Variants in ITGA9 observed in about 807,000 individuals in gnomAD.
ITGA9 encodes integrin subunit alpha 9.
In ITGA9, 56 loss-of-function variants were observed where a neutral mutation model predicts 127.8. The ratio of observed to expected loss-of-function variants is 0.44; its 90% CI spans 0.35 to 0.55. The LOEUF is 0.55. ITGA9 is among the 20% of genes least tolerant of loss of function. The pLI, the probability that ITGA9 is intolerant of heterozygous loss-of-function variation, is 0.00. For missense variants in ITGA9, 1,196 were observed against 1,347.1 expected, an observed-to-expected ratio of 0.89 and a Z score of 1.76; for synonymous variants, 508 against 514.5, an observed-to-expected ratio of 0.99 and a Z score of 0.17.
intron 18 of ITGA9, among the ~76,000 whole-genome samples, chr3:37,712,437 A>T (rs1185388829): frequency 5.3e-5 from 8 of 152,162 alleles, no homozygotes; most frequent in Non-Finnish European, 8.8e-5. Flanking sequence ...GCCTTGATTA[A>T]ATTTGCTTCT....
At chr3:37,515,004 A>G (rs1260212355) in intron 9 of ITGA9, among the ~76,000 whole-genome samples, 1 of 152,222 alleles carries the variant, frequency 6.6e-6, no homozygotes, top group Non-Finnish European at 1.5e-5. Context: ...TCGTGGAAGC[A>G]GGAGACCAGT....
chr3:37,578,497 C>A (rs1273165119), intron 15 of ITGA9, among the ~76,000 whole-genome samples: 1 of 152,138 alleles, frequency 6.6e-6, no homozygotes, highest in Non-Finnish European at 1.5e-5. Context: ...CTTGCCATTC[C>A]CTTAGGGAGT....
intron 13 of ITGA9, among the ~76,000 whole-genome samples, chr3:37,530,549 C>G (rs995885538): frequency 2.0e-5 from 3 of 151,932 alleles, no homozygotes; most frequent in Non-Finnish European, 4.4e-5. Flanking sequence ...AACAATGGCA[C>G]CAGTGGCACC....
At chr3:37,476,127 T>C (rs1305836142) in intron 3 of ITGA9, among the ~76,000 whole-genome samples, 2 of 152,266 alleles carry the variant, frequency 1.3e-5, no homozygotes, top group African/African-American at 2.4e-5. Flanking sequence ...ATCTCCTGGC[T>C]GCCGTGATGA....
intron 5 of ITGA9, among the ~76,000 whole-genome samples, chr3:37,497,365 T>C (rs1359056728): frequency 6.6e-6 from 1 of 151,776 alleles, no homozygotes; most frequent in African/African-American, 2.4e-5. Context: ...TAAACTTATC[T>C]CTTAAGAAGG....
At chr3:37,552,885 G>A (rs559584407) in intron 15 of ITGA9, among the ~76,000 whole-genome samples, 1 of 152,002 alleles carries the variant, frequency 6.6e-6, no homozygotes, top group East Asian at 1.9e-4. Context: ...CATGGTGGTG[G>A]GTGCCTGTAA....
intron 4 of ITGA9, among the ~76,000 whole-genome samples, chr3:37,486,092 A>G (rs1041495404): frequency 1.3e-5 from 2 of 152,238 alleles, no homozygotes; most frequent in African/African-American, 2.4e-5. Context: ...TCAAGTACAG[A>G]GATTTCTTTC....
chr3:37,736,833 C>A, intron 19 of ITGA9, 71 bp from the exon 20 acceptor site: 1 of 988,272 alleles, frequency 1.0e-6, no homozygotes, highest in Non-Finnish European at 1.6e-6. Flanking sequence ...TCATAAACTG[C>A]AGAAGATGGA....
intron 15 of ITGA9, among the ~76,000 whole-genome samples, chr3:37,566,545 CAAGAT>C (rs1699549234): frequency 6.6e-6 from 1 of 152,212 alleles, no homozygotes; most frequent in Non-Finnish European, 1.5e-5. Context: ...GTGCTCAACT[CAAGAT>C]TAGGAATCTA....
At chr3:37,717,914 A>G (rs1450120934) in intron 18 of ITGA9, among the ~76,000 whole-genome samples, 1 of 152,228 alleles carries the variant, frequency 6.6e-6, no homozygotes, top group Non-Finnish European at 1.5e-5. Context: ...AATGAGCTGT[A>G]AAATACGACC....
Position 37,814,694 on chromosome 3 carries a change from A to T in ITGA9, c.3010-4197A>T, listed in dbSNP as rs1296841710. Among the ~76,000 whole-genome samples, 1 of 152,206 alleles carries T rather than the reference A, an allele frequency of 6.6e-6. No individual in the cohort carries two copies. The highest frequency in any genetic ancestry group is 1.5e-5 in the Non-Finnish European group (1 of 68,034). On this transcript the variant is annotated intron_variant, in intron 27 of 27. Coordinates refer to ENST00000264741, the MANE Select transcript of ITGA9 (RefSeq NM_002207.3). The surrounding 1 kb of genome is among the most constrained non-coding windows in gnomAD (Gnocchi z 4.3). ...TCTTTACTTCCATCTGTCAGAAAAA[A>T]TTCAGAAAACTCTGATTTTATGAGA...
intron 23 of ITGA9, among the ~76,000 whole-genome samples, chr3:37,757,310 A>G (rs1231517388): frequency 5.9e-5 from 9 of 151,866 alleles, no homozygotes; most frequent in Admixed American, 5.9e-4. Flanking sequence ...ATGCCAAAAA[A>G]CAACACTAGA....
At chr3:37,637,799 A>G (rs1452888325) in intron 16 of ITGA9, among the ~76,000 whole-genome samples, 2 of 152,144 alleles carry the variant, frequency 1.3e-5, no homozygotes, top group African/African-American at 4.8e-5. Context: ...CAGCCTCCTG[A>G]GTAGCTAGGA....
chr3:37,517,673 G>A (rs1297713789), intron 10 of ITGA9, 64 bp downstream of exon 10: 1 of 1,192,524 alleles, frequency 8.4e-7, no homozygotes, highest in African/African-American at 1.5e-5. Context: ...GTTTCAGAGG[G>A]GCAGCCTGCT....
intron 18 of ITGA9, among the ~76,000 whole-genome samples, chr3:37,722,029 G>T (rs1433209244): frequency 6.6e-6 from 1 of 152,160 alleles, no homozygotes; most frequent in Non-Finnish European, 1.5e-5. Flanking sequence ...CTGATGAGCA[G>T]CAGGGCTCCG....
chr3:37,502,213 CTTTTTTTT>C (rs910743416), intron 5 of ITGA9, among the ~76,000 whole-genome samples: 2 of 111,832 alleles, frequency 1.8e-5, no homozygotes, highest in South Asian at 6.0e-4. Flanking sequence ...GTTCTTGAGT[CTTTTTTTT>C]TTTTTTTTTT....
intron 1 of ITGA9, among the ~76,000 whole-genome samples, chr3:37,466,758 G>T (rs1196438391): frequency 6.6e-6 from 1 of 152,176 alleles, no homozygotes; most frequent in East Asian, 1.9e-4. Flanking sequence ...CCATGCTGCT[G>T]GTCTGAGGAC....
At position 37,814,575 on chromosome 3, in the gene ITGA9, A is replaced by G. The variant is rs1006392998; in HGVS notation, c.3010-4316A>G. ...CGAGACTCCATCCCCCACCCCCCCA[A>G]AAAAGAAACAATATTAGTTTGACAG... On this transcript the variant is annotated intron_variant, in intron 27 of 27. Coordinates refer to ENST00000264741, the MANE Select transcript of ITGA9 (RefSeq NM_002207.3). This position sits in a 1 kb window ranked among gnomAD's most constrained non-coding sequence, Gnocchi z 4.3. Among the ~76,000 whole-genome samples the G allele has an allele frequency of 1.3e-5, 2 of 151,786 alleles. No individual in the cohort carries two copies. Among genetic ancestry groups the G allele is most frequent in the Admixed American group, 1.3e-4 (2 of 15,262 alleles).
chr3:37,510,517 G>A (rs1698893501), intron 8 of ITGA9, among the ~76,000 whole-genome samples: 1 of 152,126 alleles, frequency 6.6e-6, no homozygotes, highest in Admixed American at 6.5e-5. Context: ...GAGAACCTAT[G>A]CTCAAGTTGA....
Sources: gnomAD v4.1 joint callset for allele counts (sites outside exome capture counted in the v4.1 genomes callset) on GRCh38, gnomAD v4.1.1 for gene constraint, Gnocchi (gnomAD v3.1) non-coding constraint, MANE v1.5 for transcripts, NCBI Gene and HGNC (gene_info 2026-07-23, HGNC 2026-07-21) for gene names.